Variants in OASL observed in about 807,000 individuals in gnomAD.
OASL encodes the protein 2'-5'-oligoadenylate synthase-like protein.
In OASL, 28 loss-of-function variants were observed where a neutral mutation model predicts 35.3. The observed-to-expected ratio is 0.79, with a 90% CI of 0.59 to 1.09. The LOEUF (loss-of-function observed/expected upper bound fraction) is 1.09, where lower values mean the gene tolerates loss of function less well. Ranked by LOEUF, OASL falls within the 50% of genes least tolerant of loss-of-function variation. The pLI, the probability that OASL is intolerant of heterozygous loss-of-function variation, is 0.00. For missense variants in OASL, 620 were observed against 635.2 expected (o/e 0.98, Z 0.26); for synonymous variants, 252 against 254.6 (o/e 0.99, Z 0.10).
chr12:121,038,861 C>A, exon 1 of OASL: 2 of 1,614,164 alleles, frequency 1.2e-6, no homozygotes, highest in Non-Finnish European at 1.7e-6. Context: ...CCACGGTCCG[C>A]ACAGCGTCTA....
chr12:121,017,792 C>G (rs1260191844), downstream of OASL, among the ~76,000 whole-genome samples: 1 of 152,048 alleles, frequency 6.6e-6, no homozygotes, highest in Non-Finnish European at 1.5e-5. Context: ...TCCAGAATTG[C>G]AAGGAATTGC....
intron 4 of OASL, 140 bp downstream of exon 4, chr12:121,027,436 T>G: frequency 7.9e-7 from 1 of 1,261,616 alleles, no homozygotes; most frequent in Non-Finnish European, 1.1e-6. Context: ...GCCAGCTGTG[T>G]TGGTGTGGGA....
chr12:121,032,199 T>A lies in OASL; in HGVS notation c.482-582A>T, dbSNP rs547676796. On this transcript the variant is annotated intron_variant, in intron 2 of 5. Transcript: ENST00000257570. ...CAGAGCGAGACTCCGTCTCAAAAAA[T>A]ATATATATATATAAACTCATAGGGA... Among the ~76,000 whole-genome samples, 498 of 151,162 alleles carry A rather than the reference T, an allele frequency of 3.3e-3. 3 individuals carry two copies. The highest frequency in any genetic ancestry group is 0.01 in the African/African-American group (423 of 41,334).
intron 3 of OASL, among the ~76,000 whole-genome samples, chr12:121,028,618 C>G (rs868112301): frequency 4.8e-4 from 68 of 140,558 alleles, no homozygotes; most frequent in Middle Eastern, 3.6e-3. Flanking sequence ...CTGAAACCCG[C>G]CCCCCCCGCC....
At chr12:121,022,646 T>A (rs1324143901) in intron 5 of OASL, among the ~76,000 whole-genome samples, 1 of 152,266 alleles carries the variant, frequency 6.6e-6, no homozygotes, top group Admixed American at 6.5e-5. Context: ...CCTCTGATTC[T>A]GCTTCTGCCT....
chr12:121,028,370 C>A (rs1869579862), intron 3 of OASL, among the ~76,000 whole-genome samples: 1 of 152,162 alleles, frequency 6.6e-6, no homozygotes, highest in African/African-American at 2.4e-5. Flanking sequence ...TTCCCCCTTG[C>A]AAGTGATTGC....
At chr12:121,024,433 G>A (rs112590013) in intron 4 of OASL, among the ~76,000 whole-genome samples, 6,442 of 152,040 alleles carry the variant, frequency 0.042, 172 homozygotes, top group South Asian at 0.093. Flanking sequence ...CCTGGCCAAC[G>A]TGGTGAAACC....
chr12:121,029,305 T>A (rs1013155426), intron 3 of OASL, among the ~76,000 whole-genome samples: 2 of 152,016 alleles, frequency 1.3e-5, no homozygotes, highest in Non-Finnish European at 2.9e-5. Context: ...ATCTCCCAAA[T>A]AAATGAAACC....
chr12:121,020,396 A>G (rs1869179850), exon 6 of OASL: 5 of 730,980 alleles, frequency 6.8e-6, no homozygotes, highest in South Asian at 2.1e-5. Context: ...CGGCCTCCCA[A>G]AGTTCTGGGA....
chr12:121,018,694 C>G (rs1045288569), downstream of OASL, among the ~76,000 whole-genome samples: 20 of 151,318 alleles, frequency 1.3e-4, no homozygotes, highest in African/African-American at 4.8e-4. Flanking sequence ...TGGTGAAACC[C>G]CGTCTCTACT....
downstream of OASL, among the ~76,000 whole-genome samples, chr12:121,018,869 CAAAAAAA>C (rs1158102389): frequency 6.5e-4 from 36 of 55,306 alleles, 1 homozygote; most frequent in East Asian, 8.8e-3. Flanking sequence ...GACTCCATCT[CAAAAAAA>C]AAAAAAAAAA....
intron 1 of OASL, among the ~76,000 whole-genome samples, chr12:121,037,781 A>AC (rs976864060): frequency 1.3e-5 from 2 of 148,980 alleles, no homozygotes; most frequent in African/African-American, 5.0e-5. Context: ...AAAAAAAAAA[A>AC]AACAAAAACA....
At chr12:121,037,824 G>T (rs1870016216) in intron 1 of OASL, among the ~76,000 whole-genome samples, 1 of 150,352 alleles carries the variant, frequency 6.7e-6, no homozygotes. Context: ...AGACATGGTG[G>T]CTCACACCTG....
At chr12:121,031,375 C>G (rs905807829) in intron 3 of OASL, 67 bp downstream of exon 3, 7 of 1,510,220 alleles carry the variant, frequency 4.6e-6, no homozygotes, top group Non-Finnish European at 3.6e-6. Context: ...AGATGAAAAT[C>G]AGGCCCTGCC....
chr12:121,034,661 G>A (rs1869880003), intron 1 of OASL, among the ~76,000 whole-genome samples: 1 of 152,162 alleles, frequency 6.6e-6, no homozygotes, highest in Admixed American at 6.5e-5. Context: ...AAAAGATCTT[G>A]ACTCTTCCCT....
At position 121,031,290 on chromosome 12, in the gene OASL, T is replaced by C. The variant is rs138700862; in HGVS notation, c.657+152A>G. ...CTTTTCCACCTTCTTCACTGACGGTTTCACTTTACATTTCAAAAGACTAGC... is the reference window on the plus strand; with the variant it reads ...CTTTTCCACCTTCTTCACTGACGGTCTCACTTTACATTTCAAAAGACTAGC... On this transcript the variant is annotated intron_variant, in intron 3 of 5. Transcript: ENST00000257570. 2.7e-3 allele frequency: 1,883 copies of C among 694,732 alleles called. 4 individuals carry two copies. Among genetic ancestry groups the C allele is most frequent in the Admixed American group, 4.7e-3 (164 of 35,268 alleles). The allele number at this position is 694,732 out of a possible 1,614,324, so 43.0% of individuals were successfully genotyped here. A position where few individuals can be genotyped will look rare whatever the true frequency, so the allele number is the denominator to read the frequency against.
rs777276916 is a variant in OASL, at chr12:121,033,514, CT to C, written c.427del (p.Arg143GlyfsTer33). ...GACCGTGATGGGCTCCGCAGTCCCC[CT>C]GGTCTGGATGGTGAAGACGAGAGCA... is the stretch of plus-strand genomic sequence containing the variant. On this transcript the variant is annotated frameshift_variant, in exon 2 of 6. Coordinates refer to ENST00000257570, the Ensembl canonical transcript of OASL. LOFTEE classifies it high-confidence loss of function. 141 of 1,614,168 alleles carry C rather than the reference CT, an allele frequency of 8.7e-5. No individual in the cohort carries two copies. Among genetic ancestry groups the C allele is most frequent in the Non-Finnish European group, 1.2e-4 (137 of 1,180,038 alleles).
downstream of OASL, among the ~76,000 whole-genome samples, chr12:121,018,911 C>A (rs1467083931): frequency 2.0e-5 from 3 of 149,858 alleles, no homozygotes; most frequent in Non-Finnish European, 3.0e-5. Flanking sequence ...CCTAGAGACA[C>A]CTTTGCCTCT....
At chr12:121,033,410 T>A (rs1373380153) in intron 2 of OASL, 51 bp downstream of exon 2, 1 of 1,572,764 alleles carries the variant, frequency 6.4e-7, no homozygotes, top group South Asian at 1.1e-5. Flanking sequence ...CACTGGGAAG[T>A]CTCCTGGGGT....
Sources: gnomAD v4.1 joint callset for allele counts (sites outside exome capture counted in the v4.1 genomes callset) on GRCh38, gnomAD v4.1.1 for gene constraint, MANE v1.5 for transcripts, NCBI Gene and HGNC (gene_info 2026-07-23, HGNC 2026-07-21) for gene names.